The following ANGPT2 variants were observed in gnomAD, a reference collection of about 807,000 sequenced individuals.
The protein encoded by ANGPT2 is angiopoietin-2.
Under a neutral mutation model 62.9 loss-of-function variants are expected in ANGPT2, and 28 were observed. The ratio of observed to expected loss-of-function variants is 0.44; its 90% CI spans 0.33 to 0.61. The LOEUF (loss-of-function observed/expected upper bound fraction) is 0.61, where lower values mean the gene tolerates loss of function less well. Ranked by LOEUF, ANGPT2 falls within the 20% of genes least tolerant of loss-of-function variation. ANGPT2 has a pLI of 0.03. For synonymous variants in ANGPT2, 284 were observed against 207.8 expected (o/e 1.37, Z -3.15); for missense variants, 727 against 594.9 (o/e 1.22, Z -2.31).
rs893257286 is a variant in ANGPT2 at position 6,500,289 on chromosome 8, G to T, written c.*2812C>A. 6.1e-5 allele frequency: 13 copies of T among 211,634 alleles called. No individual in the cohort carries two copies. The highest frequency in any genetic ancestry group is 1.1e-4 in the Non-Finnish European group (11 of 103,774). The allele number at this position is 211,634 out of a possible 1,614,324, so 13.1% of individuals were successfully genotyped here. A position where few individuals can be genotyped will look rare whatever the true frequency, so the allele number is the denominator to read the frequency against. On this transcript the variant is annotated 3_prime_UTR_variant, in exon 9 of 9. Coordinates refer to ENST00000629816, the MANE Select transcript of ANGPT2 (RefSeq NM_001118887.2). ...AGAACTGATAGGTATAAAGATTATG[G>T]CTTGCTGGTGCTGTGATAACAGTAT...
chr8:6,545,172 G>C (rs565471360), intron 1 of ANGPT2, among the ~76,000 whole-genome samples: 10 of 152,190 alleles, frequency 6.6e-5, no homozygotes, highest in South Asian at 4.2e-4. Flanking sequence ...AATGTCTTCC[G>C]GGTGGGAGGG....
At chr8:6,536,234 G>C (rs1319953505) in intron 1 of ANGPT2, among the ~76,000 whole-genome samples, 1 of 152,070 alleles carries the variant, frequency 6.6e-6, no homozygotes, top group African/African-American at 2.4e-5. Context: ...CCACAGTAAT[G>C]GTAGGTACTG....
chr8:6,534,201 AT>A (rs201429096), intron 1 of ANGPT2, among the ~76,000 whole-genome samples: 103 of 151,194 alleles, frequency 6.8e-4, no homozygotes, highest in Middle Eastern at 6.8e-3. Context: ...CCATCAATAT[AT>A]TTTAAAAAAA....
chr8:6,508,726 G>A, intron 8 of ANGPT2: 2 of 693,658 alleles, frequency 2.9e-6, no homozygotes, highest in South Asian at 3.8e-5. Flanking sequence ...TTGGCTTGCT[G>A]ACAAGTCTAG....
chr8:6,554,739 C>T (rs1824288713), intron 1 of ANGPT2, among the ~76,000 whole-genome samples: 1 of 152,102 alleles, frequency 6.6e-6, no homozygotes, highest in Non-Finnish European at 1.5e-5. Flanking sequence ...TAATTACCAT[C>T]AGAGGAGCCC....
intron 1 of ANGPT2, among the ~76,000 whole-genome samples, chr8:6,533,569 CTTTTTTTTTTTT>C (rs56882906): frequency 4.4e-5 from 5 of 113,348 alleles, no homozygotes; most frequent in Admixed American, 2.9e-4. Context: ...CGTTTAGTTT[CTTTTTTTTTTTT>C]TTTTTTTTTT....
chr8:6,524,471 G>C (rs17077317), intron 3 of ANGPT2, among the ~76,000 whole-genome samples: 41,527 of 152,042 alleles, frequency 0.27, 6,329 homozygotes, highest in Middle Eastern at 0.44. Flanking sequence ...GAAGCCTCCT[G>C]AGTCACTTTG....
intron 8 of ANGPT2, among the ~76,000 whole-genome samples, chr8:6,504,201 C>T (rs1035150101): frequency 6.6e-6 from 1 of 151,258 alleles, no homozygotes. Flanking sequence ...GCCTGTAGTC[C>T]CAGCTACTCG....
At chr8:6,537,284 G>A (rs770808533) in intron 1 of ANGPT2, among the ~76,000 whole-genome samples, 3 of 152,250 alleles carry the variant, frequency 2.0e-5, no homozygotes, top group Non-Finnish European at 4.4e-5. Context: ...ATATGTGTGC[G>A]AGGACAGTGT....
rs1018488550 is a variant in ANGPT2 at position 6,562,899 on chromosome 8, A to G, written c.36T>C (p.Asp12=). 2 of 1,605,958 alleles carry G rather than the reference A, an allele frequency of 1.2e-6. No homozygotes were observed. The highest frequency in any genetic ancestry group is 1.3e-5 in the African/African-American group (1 of 74,758). The stretch of plus-strand genomic sequence containing the variant: ...TGTTATAGGCTGCGGCCAAGACAAG[A>G]TCACAGCTCAGAGTAAAGAAAACAA... ...WQIVFFTLSC[D]LVLAAAYNNF... The change falls in exon 1 of 9, where the codon GAT becomes GAC. Residue 12 remains aspartate, a synonymous_variant. Transcript: ENST00000629816.
At chr8:6,541,213 T>C (rs930968232) in intron 1 of ANGPT2, among the ~76,000 whole-genome samples, 1 of 152,014 alleles carries the variant, frequency 6.6e-6, no homozygotes. Context: ...CACCAGAGGG[T>C]TTCCCTGACA....
chr8:6,542,144 C>T lies in ANGPT2; in HGVS notation c.289-9657G>A, dbSNP rs527765967. ...CCTTTTTAAATGAAACTAGAGCGTT[C>T]TTGCCTTTCTGAATTTAAGGCACAC... On this transcript the variant is annotated intron_variant, in intron 1 of 8. Transcript: ENST00000629816. Among the ~76,000 whole-genome samples the T allele has an allele frequency of 1.5e-3, 223 of 152,170 alleles. 2 individuals are homozygous for T. The highest frequency in any genetic ancestry group is 0.01 in the Middle Eastern group (3 of 292).
intron 7 of ANGPT2, among the ~76,000 whole-genome samples, chr8:6,510,784 G>A (rs949898660): frequency 6.6e-6 from 1 of 152,208 alleles, no homozygotes; most frequent in Non-Finnish European, 1.5e-5. Context: ...GCCATGTGAT[G>A]TGGAGTTCTG....
intron 1 of ANGPT2, among the ~76,000 whole-genome samples, chr8:6,561,458 G>A (rs1003211422): frequency 2.0e-5 from 3 of 152,186 alleles, no homozygotes; most frequent in Non-Finnish European, 4.4e-5. Context: ...GAGGAGCACC[G>A]ATTAGGCTCC....
rs1817281941 is a variant in ANGPT2 at position 6,521,266 on chromosome 8, G to A, written c.711C>T (p.Ala237=). 4 of 1,613,766 alleles carry A rather than the reference G, an allele frequency of 2.5e-6. No homozygotes were observed. Among genetic ancestry groups the A allele is most frequent in the Non-Finnish European group, 2.5e-6 (3 of 1,179,948 alleles). ...IEELEKKIVT[A]TVNNSVLQKQ... ...TCTGAAGAACTGAATTATTCACCGT[G>A]GCAGTCACTATTTTTTTTTCTAGTT... Residue 237 remains alanine (A), a synonymous_variant, in exon 4 of 9, where the codon GCC becomes GCT. Coordinates refer to ENST00000629816, the MANE Select transcript of ANGPT2 (RefSeq NM_001118887.2).
Position 6,499,952 on chromosome 8 carries a change from A to G in ANGPT2, c.*3149T>C. On this transcript the variant is annotated 3_prime_UTR_variant, in exon 9 of 9. Coordinates refer to ENST00000629816, the MANE Select transcript of ANGPT2 (RefSeq NM_001118887.2). Reference sequence around the variant, plus strand: ...CCCGTAAGTCAGATGTTGTTTTACGATGGTAAATGCAGTTTGCTGTTCTCA... The same window carrying G: ...CCCGTAAGTCAGATGTTGTTTTACGGTGGTAAATGCAGTTTGCTGTTCTCA... The G allele has an allele frequency of 6.3e-7, 1 of 1,595,220 alleles. No homozygotes were observed. Among genetic ancestry groups the G allele is most frequent in the Non-Finnish European group, 8.6e-7 (1 of 1,163,128 alleles).
intron 8 of ANGPT2, among the ~76,000 whole-genome samples, chr8:6,505,754 GTATATATAGAA>G (rs1813507198): frequency 5.6e-5 from 7 of 124,778 alleles, no homozygotes; most frequent in Middle Eastern, 9.3e-3. Context: ...TTATATATAC[GTATATATAGAA>G]TATATATATT....
At chr8:6,540,702 T>G (rs1367611949) in intron 1 of ANGPT2, among the ~76,000 whole-genome samples, 5 of 152,268 alleles carry the variant, frequency 3.3e-5, no homozygotes, top group Non-Finnish European at 5.9e-5. Flanking sequence ...CTCACCAGAT[T>G]CTCACACTGC....
intron 1 of ANGPT2, among the ~76,000 whole-genome samples, chr8:6,545,479 C>T (rs894557109): frequency 1.3e-5 from 2 of 152,150 alleles, no homozygotes; most frequent in Admixed American, 1.3e-4. Flanking sequence ...CTAGGAGCAC[C>T]TAAATAATGC....
Sources: gnomAD v4.1 joint callset for allele counts (sites outside exome capture counted in the v4.1 genomes callset) on GRCh38, gnomAD v4.1.1 for gene constraint, MANE v1.5 for transcripts, NCBI Gene and HGNC (gene_info 2026-07-23, HGNC 2026-07-21) for gene names.